The following ABCC9 variants were observed in gnomAD, a reference collection of about 807,000 sequenced individuals.
The protein encoded by ABCC9 is ATP binding cassette subfamily C member 9.
Under a neutral mutation model 188.3 loss-of-function variants are expected in ABCC9, and 95 were observed. The observed-to-expected ratio is 0.50, with a 90% CI of 0.43 to 0.60. The LOEUF (loss-of-function observed/expected upper bound fraction) is 0.60. ABCC9 is among the 20% of genes least tolerant of loss of function. The pLI is 0.00. For missense variants in ABCC9, 1,102 were observed against 1,876.3 expected (o/e 0.59, Z 7.62); for synonymous variants, 659 against 652.7 (o/e 1.01, Z -0.15).
intron 33 of ABCC9, among the ~76,000 whole-genome samples, chr12:21,816,624 A>G (rs1162746489): frequency 6.6e-6 from 1 of 152,180 alleles, no homozygotes; most frequent in Non-Finnish European, 1.5e-5. Context: ...ATGACAAGAA[A>G]TGAGACATGA....
intron 32 of ABCC9, among the ~76,000 whole-genome samples, chr12:21,817,594 A>G (rs1033865799): frequency 2.6e-5 from 4 of 152,112 alleles, no homozygotes; most frequent in Non-Finnish European, 4.4e-5. Flanking sequence ...TATCTCATGT[A>G]TATTCACATT....
chr12:21,869,905 T>C (rs1485736155), intron 18 of ABCC9, among the ~76,000 whole-genome samples: 1 of 152,188 alleles, frequency 6.6e-6, no homozygotes, highest in East Asian at 1.9e-4. Context: ...AAATAAAATA[T>C]CTGTATTCCA....
chr12:21,867,822 G>GAA lies in ABCC9; in HGVS notation c.2199-3347_2199-3346dup, dbSNP rs11373840. On this transcript the variant is annotated intron_variant, in intron 18 of 39. Transcript: ENST00000261200. The stretch of plus-strand genomic sequence containing the variant: ...TTGATGGCATGGGTGAGAGGGAAAA[G>GAA]AAAAAAAAAAAAAAAGGAAAACAAA... 7.8e-3 allele frequency among the ~76,000 whole-genome samples: 1,070 copies of GAA among 137,844 alleles called. 17 individuals carry two copies. Among genetic ancestry groups the GAA allele is most frequent in the African/African-American group, 0.021 (792 of 37,324 alleles). The allele number at this position is 137,844 out of a possible 152,430, so 90.4% of individuals were successfully genotyped here. A position where few individuals can be genotyped will look rare whatever the true frequency, so the allele number is the denominator to read the frequency against.
rs1428085438 is a variant in ABCC9, at chr12:21,818,173, AG to A, written c.3747del (p.Leu1250TrpfsTer9). 1.9e-6 allele frequency: 3 copies of A among 1,613,776 alleles called. No individual in the cohort carries two copies. In the South Asian group the frequency reaches 3.3e-5, roughly 18 times the overall value. On this transcript the variant is annotated frameshift_variant, in exon 32 of 40. Coordinates refer to ENST00000261200, the MANE Select transcript of ABCC9 (RefSeq NM_020297.4). LOFTEE classifies it high-confidence loss of function. ...ISGSSNSGLVGLGLLYALTIT... is the reference protein window; with the variant it reads ...ISGSSNSGLVXLGLLYALTIT... ...ACCGTAAGTGCATACAGAAGACCCAAGCCTACCAATCCAGAATTCGAAGACC... is the reference window on the plus strand; with the variant it reads ...ACCGTAAGTGCATACAGAAGACCCAACCTACCAATCCAGAATTCGAAGACC...
At position 21,887,947 on chromosome 12, in the gene ABCC9, A is replaced by G; in HGVS notation, c.1803-13T>C. On this transcript the variant is annotated splice_polypyrimidine_tract_variant and intron_variant, in intron 14 of 39. Transcript: ENST00000261200. ...CAGCTTTTGAACACTGCAAAAAACA[A>G]TAAACACAGAATAAGAGTTAACAAT... is the stretch of plus-strand genomic sequence containing the variant. The G allele has an allele frequency of 1.9e-6, 3 of 1,583,926 alleles. No individual in the cohort carries two copies. The highest frequency in any genetic ancestry group is 1.1e-5 in the South Asian group (1 of 90,508).
rs201783967 is a variant in ABCC9 at position 21,913,057 on chromosome 12, C to T, written c.826G>A (p.Ala276Thr). ...DAYEEQKKKV[A>T]DHPNRTPSIW... ...GATGGAGTCCGATTTGGATGATCTG[C>T]AACTTTTTTCTGAAGAAAAAAAAAA... is the stretch of plus-strand genomic sequence containing the variant. The change falls in exon 8 of 40, where the codon GCA becomes ACA. Residue 276 changes from alanine (A) to threonine (T), a missense_variant. Physicochemically the swap from Ala to Thr is moderately conservative, Grantham distance 58 (BLOSUM62 0). Coordinates refer to ENST00000261200, the MANE Select transcript of ABCC9 (RefSeq NM_020297.4). 4 of 1,578,326 alleles carry T rather than the reference C, an allele frequency of 2.5e-6. No individual in the cohort carries two copies. In the East Asian group the frequency reaches 9.1e-5, roughly 36 times the overall value.
At chr12:21,929,006 A>G (rs1949164343) in intron 4 of ABCC9, among the ~76,000 whole-genome samples, 2 of 152,268 alleles carry the variant, frequency 1.3e-5, no homozygotes, top group South Asian at 4.1e-4. Flanking sequence ...TATATTGCAA[A>G]GGTGAAAGAA....
chr12:21,822,616 A>G (rs779000364), intron 31 of ABCC9, among the ~76,000 whole-genome samples: 6 of 147,590 alleles, frequency 4.1e-5, no homozygotes, highest in Non-Finnish European at 6.0e-5. Context: ...TGGCTAACAC[A>G]GTGAAACCCC....
chr12:21,885,079 C>T (rs1275215013), intron 15 of ABCC9, among the ~76,000 whole-genome samples: 1 of 152,116 alleles, frequency 6.6e-6, no homozygotes, highest in Non-Finnish European at 1.5e-5. Flanking sequence ...AGATTTGAGT[C>T]GAAGTTCCAC....
intron 30 of ABCC9, among the ~76,000 whole-genome samples, chr12:21,829,428 C>G (rs948529338): frequency 1.3e-5 from 2 of 152,042 alleles, no homozygotes; most frequent in African/African-American, 2.4e-5. Context: ...GTCTCGATCT[C>G]CTGACCTTGT....
rs1945901845 is a variant in ABCC9 at position 21,868,550 on chromosome 12, A to C, written c.2199-4073T>G. Among the ~76,000 whole-genome samples, 4 of 152,130 alleles carry C rather than the reference A, an allele frequency of 2.6e-5. No individual in the cohort carries two copies. In the South Asian group the frequency reaches 8.3e-4, roughly 31 times the overall value. On this transcript the variant is annotated intron_variant, in intron 18 of 39. Coordinates refer to ENST00000261200, the MANE Select transcript of ABCC9 (RefSeq NM_020297.4). ...GCTACTCAGGAGGCTGAGGCAGGAG[A>C]ATGGCATAAACCCAGGAGGCCGAGC...
At chr12:21,859,004 C>T (rs1945369219) in intron 22 of ABCC9, among the ~76,000 whole-genome samples, 1 of 152,044 alleles carries the variant, frequency 6.6e-6, no homozygotes, top group African/African-American at 2.4e-5. Flanking sequence ...TTTCTAGATC[C>T]ACAGCTAGAA....
At chr12:21,825,857 G>A (rs150173617) in intron 31 of ABCC9, among the ~76,000 whole-genome samples, 661 of 152,114 alleles carry the variant, frequency 4.3e-3, no homozygotes, top group African/African-American at 0.015. Flanking sequence ...AACAAAAGGC[G>A]TTTCTACTCT....
At chr12:21,911,414 C>T (rs1389275782) in intron 8 of ABCC9, among the ~76,000 whole-genome samples, 1 of 151,826 alleles carries the variant, frequency 6.6e-6, no homozygotes, top group Non-Finnish European at 1.5e-5. Context: ...TTCTGATTCT[C>T]AGATATCTTA....
Position 21,800,522 on chromosome 12 carries a change from G to C in ABCC9, c.*522C>G, listed in dbSNP as rs945481202. ...CAAGAAACAAAAGGGAAAAAAGAAGGCTCTTAAGAAAAATAGGTATTACTA... is the reference window on the plus strand; with the variant it reads ...CAAGAAACAAAAGGGAAAAAAGAAGCCTCTTAAGAAAAATAGGTATTACTA... On this transcript the variant is annotated 3_prime_UTR_variant, in exon 40 of 40. Transcript: ENST00000261200. The C allele has an allele frequency of 6.5e-6, 1 of 154,926 alleles. No individual in the cohort carries two copies. The highest frequency in any genetic ancestry group is 1.4e-5 in the Non-Finnish European group (1 of 69,922). 9.6% of individuals were successfully genotyped at this position (154,926 alleles called of 1,614,324 possible). A position where few individuals can be genotyped will look rare whatever the true frequency, so the allele number is the denominator to read the frequency against.
At chr12:21,906,330 G>A (rs755684541) in intron 11 of ABCC9, 42 bp from the exon 12 acceptor site, 8 of 1,564,668 alleles carry the variant, frequency 5.1e-6, no homozygotes, top group South Asian at 2.3e-5. Context: ...CTGCATCCAA[G>A]TGAATCAGAA....
chr12:21,845,876 C>T (rs762962673), intron 25 of ABCC9, 44 bp from the exon 26 acceptor site: 31 of 1,388,406 alleles, frequency 2.2e-5, no homozygotes, highest in Non-Finnish European at 3.0e-5. Context: ...TGGGCACCGG[C>T]TAGATATAAT....
At chr12:21,853,662 C>T (rs182758191) in intron 22 of ABCC9, among the ~76,000 whole-genome samples, 5 of 152,190 alleles carry the variant, frequency 3.3e-5, no homozygotes, top group Admixed American at 3.3e-4. Flanking sequence ...TTATATAGAG[C>T]ATCAAACTAC....
intron 29 of ABCC9, among the ~76,000 whole-genome samples, chr12:21,841,225 T>C (rs1237038105): frequency 6.6e-6 from 1 of 152,150 alleles, no homozygotes; most frequent in African/African-American, 2.4e-5. Context: ...AAACAGCTGG[T>C]ATTATATTTC....
Sources: gnomAD v4.1 joint callset for allele counts (sites outside exome capture counted in the v4.1 genomes callset) on GRCh38, gnomAD v4.1.1 for gene constraint, MANE v1.5 for transcripts, NCBI Gene and HGNC (gene_info 2026-07-23, HGNC 2026-07-21) for gene names.